Variants in MCM9 observed in about 807,000 individuals in gnomAD.
The protein encoded by MCM9 is minichromosome maintenance 9 homologous recombination repair factor, also known as DNA helicase MCM9.
In MCM9, 55 loss-of-function variants were observed where a neutral mutation model predicts 72.8. The ratio of observed to expected loss-of-function variants is 0.76; its 90% confidence interval spans 0.61 to 0.95. The LOEUF (loss-of-function observed/expected upper bound fraction) is 0.95, where lower values mean the gene tolerates loss of function less well. Among genes scored for constraint, MCM9 ranks in the 40% least tolerant of loss-of-function variants. The probability of loss-of-function intolerance (pLI) is 0.00; values close to 1 mark genes in which losing one functional copy is unlikely to be tolerated. For missense variants in MCM9, 1,279 were observed against 1,377.0 expected (o/e 0.93, Z 1.13); for synonymous variants, 480 against 503.4 (o/e 0.95, Z 0.62).
At chr6:118,866,750 G>GA (rs1221296815) in intron 8 of MCM9, among the ~76,000 whole-genome samples, 5 of 152,074 alleles carry the variant, frequency 3.3e-5, no homozygotes, top group South Asian at 2.1e-4. Context: ...GAAAGGGATA[G>GA]AAAACACATC....
At chr6:118,901,018 A>G (rs1779767352) in intron 8 of MCM9, 1 of 642,292 alleles carries the variant, frequency 1.6e-6, no homozygotes, top group Admixed American at 2.8e-5. Context: ...ATCTGTTTCC[A>G]TCATGTTTTA....
intron 8 of MCM9, among the ~76,000 whole-genome samples, chr6:118,891,360 A>C (rs1046104903): frequency 1.3e-5 from 2 of 152,190 alleles, no homozygotes; most frequent in African/African-American, 4.8e-5. Context: ...TGAGGGGAAA[A>C]ATATCTTATA....
At chr6:118,898,635 C>G (rs1779600081) in intron 8 of MCM9, among the ~76,000 whole-genome samples, 1 of 152,104 alleles carries the variant, frequency 6.6e-6, no homozygotes, top group Non-Finnish European at 1.5e-5. Flanking sequence ...CCAGGCTGGT[C>G]TCGAACTCCT....
intron 9 of MCM9, among the ~76,000 whole-genome samples, chr6:118,840,617 GCATT>G (rs983599870): frequency 2.0e-5 from 3 of 151,358 alleles, no homozygotes; most frequent in Admixed American, 6.6e-5. Flanking sequence ...AAATTGTTTA[GCATT>G]TTTTTTAAAA....
At chr6:118,823,155 G>GA (rs997054253) in intron 13 of MCM9, among the ~76,000 whole-genome samples, 2 of 151,856 alleles carry the variant, frequency 1.3e-5, no homozygotes, top group South Asian at 2.1e-4. Flanking sequence ...ACTGGGGTAT[G>GA]AAAAAAAACT....
chr6:118,851,825 TACC>T (rs1776244312), intron 9 of MCM9, among the ~76,000 whole-genome samples: 1 of 152,220 alleles, frequency 6.6e-6, no homozygotes, highest in African/African-American at 2.4e-5. Context: ...TGCACAGTAA[TACC>T]ACAATAACAA....
chr6:118,884,036 T>G (rs1430749880), intron 8 of MCM9, among the ~76,000 whole-genome samples: 1 of 152,180 alleles, frequency 6.6e-6, no homozygotes, highest in Non-Finnish European at 1.5e-5. Context: ...TGCAATATAT[T>G]TGGCAGTAAC....
At chr6:118,906,314 C>T (rs1780174202) in intron 8 of MCM9, among the ~76,000 whole-genome samples, 1 of 152,172 alleles carries the variant, frequency 6.6e-6, no homozygotes, top group South Asian at 2.1e-4. Flanking sequence ...CTCAAGTGAT[C>T]TGCCTACCTT....
chr6:118,925,806 CTT>C (rs556600397), intron 3 of MCM9, among the ~76,000 whole-genome samples: 135 of 152,254 alleles, frequency 8.9e-4, no homozygotes, highest in African/African-American at 3.2e-3. Context: ...ATCTCTCTCT[CTT>C]GTTTACCTGG....
chr6:118,815,115 G>A lies in MCM9; in HGVS notation c.3141C>T (p.Ser1047=), dbSNP rs148762612. The part of the protein sequence containing the change: ...KKEEVSGSNK[S]GKVHACTLAR... ...CTAATGTGCAGGCATGAACCTTGCC[G>A]CTTTTATTACTGCCTGAAACCTCTT... The change falls in exon 14 of 14, where the codon AGC becomes AGT. Residue 1047 remains serine, a synonymous_variant. Transcript: ENST00000619706. The A allele has an allele frequency of 1.3e-4, 203 of 1,550,646 alleles. 1 individual carries two copies. Among genetic ancestry groups the A allele is most frequent in the African/African-American group, 1.0e-3 (73 of 73,100 alleles).
chr6:118,925,998 T>C (rs1431384908), intron 3 of MCM9, among the ~76,000 whole-genome samples: 2 of 152,190 alleles, frequency 1.3e-5, no homozygotes, highest in African/African-American at 2.4e-5. Flanking sequence ...GTAATTAGTA[T>C]ATTCACAATA....
intron 5 of MCM9, chr6:118,920,736 C>T (rs1781359308): frequency 6.6e-6 from 1 of 152,248 alleles, no homozygotes; most frequent in Non-Finnish European, 1.5e-5. Flanking sequence ...TGATTGTAAA[C>T]TTCCTGATGC....
rs1458758698 is a variant in MCM9, at chr6:118,815,485, G to A, written c.2771C>T (p.Thr924Ile). The part of the protein sequence containing the change: ...GSPVAKLAKF[T>I]FKQKSKLIHS... ...GATCAGTTTTGACTTCTGCTTGAAA[G>A]TAAATTTTGCCAGTTTGGCCACAGG... Residue 924 changes from threonine to isoleucine, a missense_variant, in exon 14 of 14, where the codon ACT (threonine) becomes ATT (isoleucine). Physicochemically the swap from Thr to Ile is moderately conservative, Grantham distance 89. Coordinates refer to ENST00000619706, the MANE Select transcript of MCM9 (RefSeq NM_017696.3). 1 of 1,547,712 alleles carries A rather than the reference G, an allele frequency of 6.5e-7. No individual in the cohort carries two copies. Among genetic ancestry groups the A allele is most frequent in the African/African-American group, 1.4e-5 (1 of 72,800 alleles).
chr6:118,849,408 T>A (rs949260855), intron 9 of MCM9, among the ~76,000 whole-genome samples: 13 of 151,316 alleles, frequency 8.6e-5, no homozygotes, highest in Non-Finnish European at 1.8e-4. Flanking sequence ...AAGACCTAAA[T>A]AACATCATTT....
chr6:118,831,670 T>C (rs1251291353), intron 9 of MCM9, among the ~76,000 whole-genome samples: 2 of 152,164 alleles, frequency 1.3e-5, no homozygotes, highest in African/African-American at 4.8e-5. Context: ...AATACATACA[T>C]ACAATCTAAT....
chr6:118,867,247 T>A (rs1197216723), intron 8 of MCM9, among the ~76,000 whole-genome samples: 2 of 152,208 alleles, frequency 1.3e-5, no homozygotes, highest in African/African-American at 2.4e-5. Context: ...AGTATAGTCA[T>A]GTGCTACATA....
chr6:118,836,211 G>T (rs1181073645), intron 9 of MCM9, among the ~76,000 whole-genome samples: 1 of 152,176 alleles, frequency 6.6e-6, no homozygotes, highest in Non-Finnish European at 1.5e-5. Flanking sequence ...CTTGATCGTG[G>T]TGGACAGGCT....
intron 8 of MCM9, among the ~76,000 whole-genome samples, chr6:118,871,870 G>A (rs972055836): frequency 6.6e-6 from 1 of 152,054 alleles, no homozygotes; most frequent in Non-Finnish European, 1.5e-5. Context: ...TCGCACCACC[G>A]AATTCCAGCC....
rs1445439867 is a variant in MCM9, at chr6:118,815,345, G to A, written c.2911C>T (p.Pro971Ser). ...CCTGGGGTAGATGTTAACTTTCCTG[G>A]ACGCTTCACCGGCAAGGCTGCGTCT... ...RRDAALPVKR[P>S]GKLTSTPGNQ... Residue 971 changes from proline to serine, a missense_variant, in exon 14 of 14, where the codon CCA becomes TCA. Pro to Ser is a moderately conservative substitution (Grantham distance 74, BLOSUM62 -1). Coordinates refer to ENST00000619706, the MANE Select transcript of MCM9 (RefSeq NM_017696.3). The A allele has an allele frequency of 1.3e-6, 2 of 1,550,342 alleles. No homozygotes were observed. Among genetic ancestry groups the A allele is most frequent in the African/African-American group, 2.7e-5 (2 of 72,976 alleles).
Sources: allele counts gnomAD v4.1 joint callset (sites outside exome capture counted in the v4.1 genomes callset), GRCh38; gene constraint gnomAD v4.1.1; transcripts MANE v1.5; gene names NCBI Gene and HGNC (gene_info 2026-07-23, HGNC 2026-07-21).